CSMD1: variants seen among roughly 807,000 people sequenced by gnomAD.
CSMD1 encodes the protein CUB and Sushi multiple domains 1.
A neutral mutation model predicts 417.5 loss-of-function variants in CSMD1; 213 were observed. That is an observed-to-expected ratio of 0.51 (90% CI 0.46 to 0.57). The LOEUF is 0.57. CSMD1 is among the 20% of genes least tolerant of loss of function. The probability of loss-of-function intolerance (pLI) is 0.00; values close to 1 mark genes in which losing one functional copy is unlikely to be tolerated. For synonymous variants in CSMD1, 2,862 were observed against 1,736.8 expected, an observed-to-expected ratio of 1.65 and a Z score of -16.11; for missense variants, 6,923 against 4,529.7, an observed-to-expected ratio of 1.53 and a Z score of -15.17.
At chr8:3,890,326 C>T (rs547622995) in intron 5 of CSMD1, among the ~76,000 whole-genome samples, 1 of 152,224 alleles carries the variant, frequency 6.6e-6, no homozygotes, top group Admixed American at 6.5e-5. Context: ...GAATTGCACA[C>T]TTGAATTCAA....
chr8:3,396,398 C>A lies in CSMD1; in HGVS notation c.2406-17G>T, dbSNP rs114632867. 1.1e-3 allele frequency: 1,642 copies of A among 1,528,768 alleles called. 17 individuals are homozygous for A. The African/African-American group carries it at 0.019, about 18-fold the overall frequency. The allele number at this position is 1,528,768 out of a possible 1,614,324, so 94.7% of individuals were successfully genotyped here. ...GTCTGAAATCTGCAAATATATACAT[C>A]CCATCAGAAAAGACATGCAGAACTG... On this transcript the variant is annotated splice_polypyrimidine_tract_variant and intron_variant, in intron 16 of 69. Transcript: ENST00000635120.
intron 3 of CSMD1, among the ~76,000 whole-genome samples, chr8:4,087,765 C>G (rs533307827): frequency 6.6e-5 from 10 of 152,132 alleles, no homozygotes; most frequent in Admixed American, 3.9e-4. Context: ...AATCTTCTTT[C>G]TATATTTTCT....
chr8:3,404,286 G>T (rs973661218), intron 15 of CSMD1, among the ~76,000 whole-genome samples: 4 of 150,594 alleles, frequency 2.7e-5, no homozygotes, highest in African/African-American at 9.8e-5. Context: ...AGTGAGCTGA[G>T]ATTGCACCAC....
At chr8:4,723,791 A>AAAC (rs767772071) in intron 1 of CSMD1, among the ~76,000 whole-genome samples, 4 of 147,442 alleles carry the variant, frequency 2.7e-5, no homozygotes, top group Non-Finnish European at 4.5e-5. Flanking sequence ...CGAATGTAAA[A>AAAC]AAAAAAAAAC....
At chr8:3,299,716 A>AT in intron 25 of CSMD1, among the ~76,000 whole-genome samples, 1 of 152,194 alleles carries the variant, frequency 6.6e-6, no homozygotes, top group Non-Finnish European at 1.5e-5. Flanking sequence ...CACAGAGAAG[A>AT]GGAAGTCACT....
intron 7 of CSMD1, among the ~76,000 whole-genome samples, chr8:3,705,397 AGCAGTGT>A (rs1262524860): frequency 1.3e-5 from 2 of 152,188 alleles, no homozygotes; most frequent in Non-Finnish European, 2.9e-5. Flanking sequence ...AGGAGCTGCT[AGCAGTGT>A]CCACCCCTGT....
At chr8:3,437,927 G>A (rs1396601603) in intron 12 of CSMD1, among the ~76,000 whole-genome samples, 2 of 151,948 alleles carry the variant, frequency 1.3e-5, no homozygotes, top group Non-Finnish European at 2.9e-5. Flanking sequence ...CTTTAGTAGA[G>A]ACAGGGTTTC....
chr8:4,266,768 A>G lies in CSMD1; in HGVS notation c.415+153185T>C, dbSNP rs1412300696. Reference sequence around the variant, plus strand: ...AAATTTGATGATCTATAAATCCTCAAAATAGTAGCACAGAGAATCTAGATG... The same window carrying G: ...AAATTTGATGATCTATAAATCCTCAGAATAGTAGCACAGAGAATCTAGATG... On this transcript the variant is annotated intron_variant, in intron 3 of 69. Transcript: ENST00000635120. Among the ~76,000 whole-genome samples, 8 of 105,112 alleles carry G rather than the reference A, an allele frequency of 7.6e-5. 2 individuals carry two copies. The highest frequency in any genetic ancestry group is 1.3e-4 in the Non-Finnish European group (5 of 38,956). 69.0% of individuals were successfully genotyped at this position (105,112 alleles called of 152,430 possible). A position where few individuals can be genotyped will look rare whatever the true frequency, so the allele number is the denominator to read the frequency against.
At chr8:4,507,167 C>G (rs572473353) in intron 2 of CSMD1, among the ~76,000 whole-genome samples, 1 of 152,008 alleles carries the variant, frequency 6.6e-6, no homozygotes, top group Non-Finnish European at 1.5e-5. Flanking sequence ...TGAAAGTTTA[C>G]TGAAAAAAAG....
At chr8:3,415,517 C>T (rs1159964416) in intron 12 of CSMD1, among the ~76,000 whole-genome samples, 11 of 152,114 alleles carry the variant, frequency 7.2e-5, no homozygotes, top group Admixed American at 6.5e-5. Context: ...ATCATCACGC[C>T]CAGGTAATTT....
chr8:3,987,994 G>C (rs1814465531), intron 5 of CSMD1, among the ~76,000 whole-genome samples: 1 of 152,166 alleles, frequency 6.6e-6, no homozygotes, highest in South Asian at 2.1e-4. Context: ...CAATTTTCTT[G>C]AAAAGAGCTC....
chr8:4,858,915 C>A (rs1023011202), intron 1 of CSMD1, among the ~76,000 whole-genome samples: 1 of 151,086 alleles, frequency 6.6e-6, no homozygotes, highest in African/African-American at 2.4e-5. Context: ...GAAAAAACTA[C>A]TTTAAAGGTC....
chr8:4,137,477 A>G (rs894359597), intron 3 of CSMD1, among the ~76,000 whole-genome samples: 2 of 126,052 alleles, frequency 1.6e-5, no homozygotes, highest in African/African-American at 5.0e-5. Flanking sequence ...GGTAATTTTC[A>G]CTACAGAATA....
chr8:3,013,579 C>T (rs888499723), intron 52 of CSMD1, among the ~76,000 whole-genome samples: 12 of 151,898 alleles, frequency 7.9e-5, no homozygotes, highest in African/African-American at 2.7e-4. Context: ...GGTAAAACCC[C>T]GTCTCCACTA....
intron 1 of CSMD1, among the ~76,000 whole-genome samples, chr8:4,970,111 G>C (rs1013898326): frequency 6.6e-6 from 1 of 151,726 alleles, no homozygotes; most frequent in Admixed American, 6.6e-5. Flanking sequence ...TAAAGTAATT[G>C]TATGTAAAAA....
At chr8:4,589,195 C>G (rs1006977050) in intron 2 of CSMD1, among the ~76,000 whole-genome samples, 4 of 152,016 alleles carry the variant, frequency 2.6e-5, no homozygotes, top group Non-Finnish European at 4.4e-5. Flanking sequence ...TTGGATAGAG[C>G]CTTATCAGAG....
intron 50 of CSMD1, among the ~76,000 whole-genome samples, chr8:3,034,051 T>C (rs1179137925): frequency 6.6e-6 from 1 of 152,226 alleles, no homozygotes; most frequent in Non-Finnish European, 1.5e-5. Flanking sequence ...CCTTCCTTTT[T>C]CTATCAGTGC....
chr8:4,661,452 G>T (rs1563088952), intron 1 of CSMD1, among the ~76,000 whole-genome samples: 2 of 152,190 alleles, frequency 1.3e-5, no homozygotes, highest in Admixed American at 1.3e-4. Flanking sequence ...ATATAGAAAT[G>T]GAGAACAGAT....
chr8:4,740,721 C>G (rs1341552473), intron 1 of CSMD1, among the ~76,000 whole-genome samples: 2 of 152,152 alleles, frequency 1.3e-5, no homozygotes, highest in African/African-American at 4.8e-5. Flanking sequence ...TCTCTGCACT[C>G]TAGCATGGGC....
Sources: allele counts gnomAD v4.1 joint callset (sites outside exome capture counted in the v4.1 genomes callset), GRCh38; gene constraint gnomAD v4.1.1; transcripts MANE v1.5; gene names NCBI Gene and HGNC (gene_info 2026-07-23, HGNC 2026-07-21).